The following FHAD1 variants were observed in gnomAD, a reference collection of about 807,000 sequenced individuals.
FHAD1 encodes the protein forkhead associated phosphopeptide binding domain 1.
Under a neutral mutation model 191.3 loss-of-function variants are expected in FHAD1, and 146 were observed. That is an observed-to-expected ratio of 0.76 (90% CI 0.67 to 0.88). The LOEUF is 0.88. Ranked by LOEUF, FHAD1 falls within the 40% of genes least tolerant of loss-of-function variation. FHAD1 has a pLI of 0.00. For synonymous variants in FHAD1, 616 were observed against 672.3 expected, an observed-to-expected ratio of 0.92 and a Z score of 1.29; for missense variants, 1,635 against 1,785.8, an observed-to-expected ratio of 0.92 and a Z score of 1.52.
At chr1:15,265,400 C>T (rs140821372) in intron 2 of FHAD1, among the ~76,000 whole-genome samples, 74 of 152,332 alleles carry the variant, frequency 4.9e-4, no homozygotes, top group African/African-American at 1.7e-3. Context: ...GGAGCTTGTA[C>T]ATTCAGCCTA....
intron 10 of FHAD1, among the ~76,000 whole-genome samples, chr1:15,320,122 G>A (rs916730449): frequency 6.6e-6 from 1 of 152,086 alleles, no homozygotes; most frequent in Non-Finnish European, 1.5e-5. Context: ...GGGTTACTAT[G>A]CAGCTTATTT....
Position 15,345,404 on chromosome 1 carries a change from T to C in FHAD1, c.2239-12T>C. 6.4e-7 allele frequency: 1 copy of C among 1,550,522 alleles called. No homozygotes were observed. Among genetic ancestry groups the C allele is most frequent in the Non-Finnish European group, 8.7e-7 (1 of 1,145,470 alleles). ...GGTAACCATGTCTATTGAACAATGA[T>C]CGTTGACTCAGGCTTTGGCGAAAAG... On this transcript the variant is annotated splice_polypyrimidine_tract_variant and intron_variant, in intron 17 of 33. Transcript: ENST00000688493.
chr1:15,269,424 A>G (rs1443508277), intron 2 of FHAD1, among the ~76,000 whole-genome samples: 1 of 152,166 alleles, frequency 6.6e-6, no homozygotes, highest in Non-Finnish European at 1.5e-5. Context: ...ACCGTGTGTT[A>G]TTTAGAAATG....
Position 15,391,266 on chromosome 1 carries a change from G to A in FHAD1, c.4323+3G>A, listed in dbSNP as rs770167591. ...GGATGCAGAACTCAAATTCCCAGGTGAGCAGAAAGAGCATCCTTTAGAATT... is the reference window on the plus strand; with the variant it reads ...GGATGCAGAACTCAAATTCCCAGGTAAGCAGAAAGAGCATCCTTTAGAATT... On this transcript the variant is annotated splice_donor_region_variant and intron_variant, in intron 33 of 33. Coordinates refer to ENST00000688493, the MANE Select transcript of FHAD1 (RefSeq NM_001391957.1). 4.3e-5 allele frequency: 55 copies of A among 1,284,522 alleles called. No individual in the cohort carries two copies. The highest frequency in any genetic ancestry group is 2.1e-4 in the Middle Eastern group (1 of 4,708). The allele number at this position is 1,284,522 out of a possible 1,614,324, so 79.6% of individuals were successfully genotyped here.
chr1:15,251,743 C>G, intron 1 of FHAD1, 28 bp from the exon 2 acceptor site: 1 of 1,501,788 alleles, frequency 6.7e-7, no homozygotes, highest in Non-Finnish European at 9.0e-7. Flanking sequence ...CATTTTCTAA[C>G]AAAATTCTTT....
rs1355947737 is a variant in FHAD1, at chr1:15,272,373, G to C, written c.144G>C (p.Glu48Asp). The C allele has an allele frequency of 6.4e-7, 1 of 1,551,602 alleles. No individual in the cohort carries two copies. The highest frequency in any genetic ancestry group is 1.4e-5 in the African/African-American group (1 of 73,050). The change falls in exon 3 of 34, where the codon GAG (glutamate) becomes GAC (aspartate). Residue 48 changes from glutamate (E) to aspartate (D), a missense_variant. Physicochemically the swap from Glu to Asp is conservative, Grantham distance 45. Transcript: ENST00000688493. ...HHALIEYNEA[E>D]CSFVLQDFNS... ...CACTCATTGAATATAACGAGGCGGA[G>C]TGCAGCTTTGTTCTCCAGGACTTCA...
chr1:15,387,077 G>C (rs1487417365), intron 31 of FHAD1, among the ~76,000 whole-genome samples: 1 of 151,822 alleles, frequency 6.6e-6, no homozygotes, highest in African/African-American at 2.4e-5. Context: ...TTTTTTAGTA[G>C]AGAGTTTTAC....
chr1:15,375,110 C>T (rs900233317), intron 27 of FHAD1, among the ~76,000 whole-genome samples: 1 of 152,126 alleles, frequency 6.6e-6, no homozygotes, highest in Admixed American at 6.5e-5. Flanking sequence ...CCCGCCTCAG[C>T]CTCCCAAAGT....
Position 15,381,215 on chromosome 1 carries a change from A to G in FHAD1, c.3802-16A>G. On this transcript the variant is annotated splice_polypyrimidine_tract_variant and intron_variant, in intron 29 of 33. Coordinates refer to ENST00000688493, the MANE Select transcript of FHAD1 (RefSeq NM_001391957.1). The surrounding 1 kb of genome is among the most constrained non-coding windows in gnomAD (Gnocchi z 4.6). ...CCGCGGGTAATGCCTCTTATGCGCG[A>G]ACGTTTTCCTTGTAGTACCTGGATA... 1.3e-6 allele frequency: 2 copies of G among 1,542,510 alleles called. No homozygotes were observed. Among genetic ancestry groups the G allele is most frequent in the Non-Finnish European group, 1.8e-6 (2 of 1,139,092 alleles).
At chr1:15,337,038 C>T (rs778522715) in intron 14 of FHAD1, among the ~76,000 whole-genome samples, 40 of 152,358 alleles carry the variant, frequency 2.6e-4, no homozygotes, top group Non-Finnish European at 1.3e-4. Context: ...GTTTTCCACA[C>T]GGACGCCTCT....
chr1:15,343,568 C>T (rs1342684920), intron 16 of FHAD1, among the ~76,000 whole-genome samples: 10 of 152,310 alleles, frequency 6.6e-5, no homozygotes, highest in Non-Finnish European at 1.0e-4. Flanking sequence ...GTCTCCTCCT[C>T]CTTCTTCTCT....
intron 19 of FHAD1, among the ~76,000 whole-genome samples, chr1:15,350,471 C>A (rs1332555223): frequency 6.6e-6 from 1 of 152,142 alleles, no homozygotes; most frequent in Non-Finnish European, 1.5e-5. Flanking sequence ...AGGAGGTAGA[C>A]GGGGGAGACT....
chr1:15,343,251 C>T (rs1687491345), intron 16 of FHAD1, among the ~76,000 whole-genome samples: 2 of 152,196 alleles, frequency 1.3e-5, no homozygotes, highest in Non-Finnish European at 2.9e-5. Context: ...GTGGCCCCTG[C>T]TGTGGGATTT....
chr1:15,317,052 T>G (rs1004776490), intron 9 of FHAD1, among the ~76,000 whole-genome samples: 9 of 152,046 alleles, frequency 5.9e-5, no homozygotes, highest in African/African-American at 2.2e-4. Flanking sequence ...CTGGGCATGG[T>G]GGCGGGTGCC....
At chr1:15,393,514 G>A (rs10927778) in intron 33 of FHAD1, among the ~76,000 whole-genome samples, 1,540 of 152,100 alleles carry the variant, frequency 0.01, 25 homozygotes, top group African/African-American at 0.035. Flanking sequence ...CTCAGGGGGC[G>A]AGGTTGATAG....
In FHAD1 at chr1:15,262,021, GCA is replaced by G. The variant is rs143373188; in HGVS notation, c.93+10160_93+10161del. 7.2e-4 allele frequency among the ~76,000 whole-genome samples: 108 copies of G among 150,212 alleles called. 2 individuals are homozygous for G. The South Asian group carries it at 0.021, about 29-fold the overall frequency. On this transcript the variant is annotated intron_variant, in intron 2 of 33. Coordinates refer to ENST00000688493, the MANE Select transcript of FHAD1 (RefSeq NM_001391957.1). ...AAGCCCCTGTGTTTTTAGCACACAC[GCA>G]CACACACACACACACCAGTTAATTT...
intron 2 of FHAD1, among the ~76,000 whole-genome samples, chr1:15,259,807 C>A (rs1350888541): frequency 6.6e-6 from 1 of 152,142 alleles, no homozygotes; most frequent in African/African-American, 2.4e-5. Flanking sequence ...CTCCTCAGAG[C>A]AGACCAAGCT....
upstream of FHAD1, among the ~76,000 whole-genome samples, chr1:15,243,858 C>G (rs953321901): frequency 1.3e-5 from 2 of 152,174 alleles, no homozygotes; most frequent in Non-Finnish European, 2.9e-5. Flanking sequence ...TGTAGTTCCC[C>G]AGGGGAAATA....
intron 8 of FHAD1, among the ~76,000 whole-genome samples, chr1:15,315,634 C>T (rs1306724759): frequency 5.3e-5 from 8 of 151,854 alleles, no homozygotes; most frequent in Non-Finnish European, 7.4e-5. Context: ...TACAGGCGCC[C>T]GCCACCACAC....
Sources: allele counts gnomAD v4.1 joint callset (sites outside exome capture counted in the v4.1 genomes callset), GRCh38; gene constraint gnomAD v4.1.1; non-coding constraint Gnocchi (gnomAD v3.1); transcripts MANE v1.5; gene names NCBI Gene and HGNC (gene_info 2026-07-23, HGNC 2026-07-21).